The following SHQ1 variants were observed in gnomAD, a reference collection of about 807,000 sequenced individuals.
SHQ1 encodes SHQ1, H/ACA ribonucleoprotein assembly factor.
Under a neutral mutation model 53.8 loss-of-function variants are expected in SHQ1, and 49 were observed. That is an observed-to-expected ratio of 0.91 (90% CI 0.72 to 1.16). The LOEUF (loss-of-function observed/expected upper bound fraction) is 1.16, where lower values mean the gene tolerates loss of function less well. Ranked by LOEUF, SHQ1 falls within the 50% of genes most tolerant of loss-of-function variation. The pLI is 0.00. For synonymous variants in SHQ1, 243 were observed against 251.0 expected, an observed-to-expected ratio of 0.97 and a Z score of 0.30; for missense variants, 738 against 683.1, an observed-to-expected ratio of 1.08 and a Z score of -0.90.
intron 6 of SHQ1, among the ~76,000 whole-genome samples, chr3:72,818,018 T>C (rs1482804823): frequency 6.6e-6 from 1 of 151,922 alleles, no homozygotes; most frequent in Non-Finnish European, 1.5e-5. Context: ...CTCCTGAATA[T>C]TCGTCAACAG....
At chr3:72,760,084 TTTC>T (rs1274215489) in intron 10 of SHQ1, among the ~76,000 whole-genome samples, 2 of 152,226 alleles carry the variant, frequency 1.3e-5, no homozygotes, top group African/African-American at 2.4e-5. Flanking sequence ...ATTGTAGAGT[TTTC>T]TTCTTCAATT....
chr3:72,741,597 A>G, the SHQ1 span, among the ~76,000 whole-genome samples: 2 of 151,946 alleles, frequency 1.3e-5, no homozygotes, highest in Non-Finnish European at 2.9e-5. Context: ...ATAAAAAAAA[A>G]AAGAAGGAGT....
intron 10 of SHQ1, among the ~76,000 whole-genome samples, chr3:72,776,870 A>G (rs928178279): frequency 2.0e-5 from 3 of 152,200 alleles, no homozygotes; most frequent in African/African-American, 4.8e-5. Context: ...CAAGTAAATC[A>G]GTGGGGCTGA....
chr3:72,810,443 T>C (rs1478370438), intron 9 of SHQ1, among the ~76,000 whole-genome samples: 1 of 152,240 alleles, frequency 6.6e-6, no homozygotes, highest in African/African-American at 2.4e-5. Context: ...CAATCAGTTA[T>C]AATGAAATAT....
Position 72,769,623 on chromosome 3 carries a change from A to C in SHQ1, c.1182-18787T>G, listed in dbSNP as rs78014127. 5.1e-3 allele frequency among the ~76,000 whole-genome samples: 779 copies of C among 152,248 alleles called. 9 individuals are homozygous for C. Among genetic ancestry groups the C allele is most frequent in the African/African-American group, 0.018 (749 of 41,524 alleles). On this transcript the variant is annotated intron_variant, in intron 10 of 10. Coordinates refer to ENST00000325599, the MANE Select transcript of SHQ1 (RefSeq NM_018130.3). ...GTTCCCTGTTCAAGACTTCTACTCC[A>C]CTAGGCCTTGCAGACCAGCCTGGCC...
intron 10 of SHQ1, among the ~76,000 whole-genome samples, chr3:72,767,922 C>T (rs1460313357): frequency 6.6e-6 from 1 of 152,156 alleles, no homozygotes; most frequent in Non-Finnish European, 1.5e-5. Context: ...TATCAAAATG[C>T]TTCCTGCGTG....
chr3:72,742,608 TTTC>T, the SHQ1 span, among the ~76,000 whole-genome samples: 1 of 134,920 alleles, frequency 7.4e-6, no homozygotes, highest in South Asian at 2.2e-4. Context: ...GTTCTTTTTT[TTTC>T]TTTTTTTCTT....
intron 10 of SHQ1, among the ~76,000 whole-genome samples, chr3:72,760,739 A>G (rs1411147509): frequency 6.6e-6 from 1 of 152,214 alleles, no homozygotes; most frequent in Non-Finnish European, 1.5e-5. Context: ...CTTAATTCCT[A>G]TGGAGAAGTC....
intron 10 of SHQ1, among the ~76,000 whole-genome samples, chr3:72,777,079 C>A (rs1291296515): frequency 2.6e-5 from 4 of 152,094 alleles, no homozygotes; most frequent in Non-Finnish European, 5.9e-5. Context: ...GACTTAAATG[C>A]AAAATGCAAA....
At chr3:72,818,476 C>T (rs1707381258) in intron 6 of SHQ1, among the ~76,000 whole-genome samples, 2 of 152,296 alleles carry the variant, frequency 1.3e-5, no homozygotes, top group Admixed American at 1.3e-4. Context: ...TTAAAGGCTA[C>T]AATAACTCTC....
At chr3:72,778,176 C>T (rs945384507) in intron 10 of SHQ1, among the ~76,000 whole-genome samples, 2 of 152,128 alleles carry the variant, frequency 1.3e-5, no homozygotes, top group Non-Finnish European at 2.9e-5. Context: ...GGAGGCCAGG[C>T]ATGGTGGCTC....
chr3:72,751,508 G>GTGTATA (rs1210782182), intron 10 of SHQ1, among the ~76,000 whole-genome samples: 36 of 116,978 alleles, frequency 3.1e-4, no homozygotes, highest in African/African-American at 9.7e-4. Flanking sequence ...GTGTGTGTGT[G>GTGTATA]TATATATATA....
chr3:72,798,090 G>T (rs1228094089), intron 9 of SHQ1, among the ~76,000 whole-genome samples: 1 of 152,138 alleles, frequency 6.6e-6, no homozygotes, highest in Non-Finnish European at 1.5e-5. Context: ...CACGATATGG[G>T]CATAAAAAAA....
intron 9 of SHQ1, chr3:72,793,741 C>A (rs1706517132): frequency 6.6e-6 from 1 of 152,140 alleles, no homozygotes; most frequent in Non-Finnish European, 1.5e-5. Context: ...TTTCAAACTT[C>A]TTTATTTCTT....
intron 9 of SHQ1, among the ~76,000 whole-genome samples, chr3:72,802,123 C>T (rs1390089536): frequency 2.0e-5 from 3 of 152,200 alleles, no homozygotes; most frequent in African/African-American, 4.8e-5. Flanking sequence ...CATGTAAGTA[C>T]TTTACATATG....
Position 72,844,404 on chromosome 3 carries a change from T to G in SHQ1, c.163A>C (p.Ile55Leu). The change falls in exon 2 of 11, where the codon ATT becomes CTT. Residue 55 changes from isoleucine to leucine, a missense_variant. Physicochemically the swap from Ile to Leu is conservative, Grantham distance 5. Transcript: ENST00000325599. ...CCTTGCTCACTTCCATTTTCTACAA[T>G]TCTTCCAGGAAGGGTTAATCTGCAG... ...YFLRLTLPGRIVENGSEQGSY... is the reference protein window; with the variant it reads ...YFLRLTLPGRLVENGSEQGSY... The G allele has an allele frequency of 3.7e-6, 6 of 1,613,834 alleles. No homozygotes were observed. Among genetic ancestry groups the G allele is most frequent in the Non-Finnish European group, 5.1e-6 (6 of 1,179,826 alleles).
chr3:72,790,045 A>G (rs1706388144), intron 10 of SHQ1, among the ~76,000 whole-genome samples: 1 of 152,222 alleles, frequency 6.6e-6, no homozygotes. Context: ...ACCACAGAAC[A>G]TTTGCTGTAG....
downstream of SHQ1, among the ~76,000 whole-genome samples, chr3:72,746,758 TGGAA>T (rs920335723): frequency 3.3e-5 from 5 of 152,188 alleles, no homozygotes; most frequent in Admixed American, 2.6e-4. Flanking sequence ...CAAAAATTGA[TGGAA>T]GGAAGAAAAC....
intron 10 of SHQ1, among the ~76,000 whole-genome samples, chr3:72,768,386 A>C (rs776432255): frequency 6.6e-6 from 1 of 152,204 alleles, no homozygotes; most frequent in African/African-American, 2.4e-5. Context: ...AAAGGGAAAT[A>C]AATAAATAAA....
Sources: allele counts gnomAD v4.1 joint callset (sites outside exome capture counted in the v4.1 genomes callset), GRCh38; gene constraint gnomAD v4.1.1; transcripts MANE v1.5; gene names NCBI Gene and HGNC (gene_info 2026-07-23, HGNC 2026-07-21).